C16orf87: variants seen among roughly 807,000 people sequenced by gnomAD.
The protein encoded by C16orf87 is HDAC and MIER1 interacting protein 1.
C16orf87 carries 13 observed loss-of-function variants against 21.0 expected under a neutral mutation model. That is an observed-to-expected ratio of 0.62 (90% CI 0.40 to 0.98). The LOEUF is 0.98. Among genes scored for constraint, C16orf87 ranks in the 50% least tolerant of loss-of-function variants. C16orf87 has a pLI of 0.00. For synonymous variants in C16orf87, 49 were observed against 60.2 expected, an observed-to-expected ratio of 0.81 and a Z score of 0.86; for missense variants, 113 against 180.4, an observed-to-expected ratio of 0.63 and a Z score of 2.14.
chr16:46,819,762 G>C (rs950658542), intron 2 of C16orf87, among the ~76,000 whole-genome samples: 2 of 151,498 alleles, frequency 1.3e-5, no homozygotes, highest in Non-Finnish European at 2.9e-5. Context: ...ATTACCTGAG[G>C]TCGGGAGTTT....
chr16:46,808,812 AAAG>A (rs1221175896), intron 3 of C16orf87, among the ~76,000 whole-genome samples: 1 of 152,118 alleles, frequency 6.6e-6, no homozygotes, highest in African/African-American at 2.4e-5. Flanking sequence ...TCGTCAGAAG[AAAG>A]AAGACCTGTA....
At chr16:46,815,921 A>G (rs770054012) in intron 2 of C16orf87, among the ~76,000 whole-genome samples, 4 of 152,256 alleles carry the variant, frequency 2.6e-5, no homozygotes, top group African/African-American at 9.6e-5. Context: ...AAATGAAAGC[A>G]GAGATCAGGA....
At chr16:46,806,902 G>C (rs1187509512) in intron 3 of C16orf87, among the ~76,000 whole-genome samples, 1 of 152,084 alleles carries the variant, frequency 6.6e-6, no homozygotes, top group Non-Finnish European at 1.5e-5. Flanking sequence ...CTTAATTCAT[G>C]GTTAAAATAA....
intron 1 of C16orf87, among the ~76,000 whole-genome samples, chr16:46,825,619 A>G (rs955430263): frequency 1.1e-4 from 16 of 152,142 alleles, no homozygotes; most frequent in Non-Finnish European, 4.4e-5. Context: ...TTAAATTATT[A>G]TTGACTATAG....
At chr16:46,817,144 A>G (rs1968272987) in intron 2 of C16orf87, among the ~76,000 whole-genome samples, 1 of 152,212 alleles carries the variant, frequency 6.6e-6, no homozygotes, top group Middle Eastern at 3.2e-3. Context: ...AGGGAAAAGC[A>G]ATAATGGATA....
chr16:46,809,552 A>T, intron 3 of C16orf87, 51 bp downstream of exon 3: 7 of 1,276,382 alleles, frequency 5.5e-6, no homozygotes, highest in Non-Finnish European at 7.7e-6. Context: ...CCTAATTAAG[A>T]TCCCAGATCA....
At chr16:46,828,509 G>A (rs920652798) in intron 1 of C16orf87, among the ~76,000 whole-genome samples, 2 of 152,064 alleles carry the variant, frequency 1.3e-5, no homozygotes, top group Non-Finnish European at 2.9e-5. Flanking sequence ...GAAACCCCTT[G>A]AAAATGAAAA....
intron 1 of C16orf87, among the ~76,000 whole-genome samples, chr16:46,828,659 T>A (rs1959723420): frequency 6.6e-6 from 1 of 152,248 alleles, no homozygotes; most frequent in Non-Finnish European, 1.5e-5. Context: ...CCCACATAAG[T>A]AAATCTAGTC....
chr16:46,813,679 C>T (rs555718405), intron 2 of C16orf87, among the ~76,000 whole-genome samples: 5 of 152,216 alleles, frequency 3.3e-5, no homozygotes, highest in South Asian at 4.1e-4. Flanking sequence ...TTTAATAAAA[C>T]GAGCTCCTTC....
In C16orf87 at chr16:46,799,993, C is replaced by T. The variant is rs1238813542; in HGVS notation, c.*2959G>A. On this transcript the variant is annotated 3_prime_UTR_variant, in exon 4 of 4. Coordinates refer to ENST00000285697, the MANE Select transcript of C16orf87 (RefSeq NM_001001436.4). Reference sequence around the variant, plus strand: ...GAGCTTAATTTTTCTAAATTTAAGACAAACATGCAGATTGAAAGGCAAGCC... The same window carrying T: ...GAGCTTAATTTTTCTAAATTTAAGATAAACATGCAGATTGAAAGGCAAGCC... 1 of 152,036 alleles carries T rather than the reference C, an allele frequency of 6.6e-6. No individual in the cohort carries two copies. Among genetic ancestry groups the T allele is most frequent in the Non-Finnish European group, 1.5e-5 (1 of 67,992 alleles). 9.4% of individuals were successfully genotyped at this position (152,036 alleles called of 1,614,324 possible).
chr16:46,803,469 G>A (rs1451464437), intron 3 of C16orf87, among the ~76,000 whole-genome samples: 1 of 151,964 alleles, frequency 6.6e-6, no homozygotes, highest in Admixed American at 6.6e-5. Context: ...TCTTATACAG[G>A]AAATGACATT....
intron 3 of C16orf87, among the ~76,000 whole-genome samples, 166 bp from the exon 4 acceptor site, chr16:46,803,236 A>G (rs914254584): frequency 6.6e-6 from 1 of 152,208 alleles, no homozygotes; most frequent in African/African-American, 2.4e-5. Flanking sequence ...TAAATTATAC[A>G]AAGGAGTTAC....
At chr16:46,804,040 G>A (rs1967851112) in intron 3 of C16orf87, among the ~76,000 whole-genome samples, 1 of 152,130 alleles carries the variant, frequency 6.6e-6, no homozygotes, top group Non-Finnish European at 1.5e-5. Flanking sequence ...CCTATGGTAA[G>A]TGATTTTTCA....
intron 2 of C16orf87, among the ~76,000 whole-genome samples, chr16:46,811,981 C>T (rs552291287): frequency 6.6e-6 from 1 of 151,788 alleles, no homozygotes; most frequent in Non-Finnish European, 1.5e-5. Context: ...TGGTGGCTCA[C>T]GCCTGTAATC....
intron 2 of C16orf87, among the ~76,000 whole-genome samples, chr16:46,816,544 T>G (rs939007514): frequency 3.3e-5 from 5 of 152,044 alleles, no homozygotes; most frequent in African/African-American, 1.2e-4. Context: ...CAAAATTTCC[T>G]GGAATAAAGC....
intron 3 of C16orf87, among the ~76,000 whole-genome samples, chr16:46,805,709 C>G (rs532982248): frequency 6.6e-6 from 1 of 152,338 alleles, no homozygotes; most frequent in South Asian, 2.1e-4. Flanking sequence ...GAAACATACA[C>G]ATACGTGGAG....
At chr16:46,817,931 A>AAAAAAAAAAAAC (rs1959256774) in intron 2 of C16orf87, among the ~76,000 whole-genome samples, 3 of 150,802 alleles carry the variant, frequency 2.0e-5, no homozygotes, top group Non-Finnish European at 4.4e-5. Flanking sequence ...AAAAAAAAAA[A>AAAAAAAAAAAAC]AAAAAAAACC....
chr16:46,817,720 T>C (rs574189465), intron 2 of C16orf87, among the ~76,000 whole-genome samples: 1 of 151,744 alleles, frequency 6.6e-6, no homozygotes, highest in South Asian at 2.1e-4. Flanking sequence ...AGAGTGGGAT[T>C]ATCCTGGGAG....
intron 2 of C16orf87, among the ~76,000 whole-genome samples, chr16:46,818,381 C>T (rs1959278984): frequency 1.3e-5 from 2 of 152,082 alleles, no homozygotes; most frequent in African/African-American, 4.8e-5. Flanking sequence ...TCAGCCTTAG[C>T]CTATTAACTT....
Sources: gnomAD v4.1 joint callset for allele counts (sites outside exome capture counted in the v4.1 genomes callset) on GRCh38, gnomAD v4.1.1 for gene constraint, MANE v1.5 for transcripts, NCBI Gene and HGNC (gene_info 2026-07-23, HGNC 2026-07-21) for gene names.